The following SOX8 variants were observed in gnomAD, a reference collection of about 807,000 sequenced individuals.
SOX8 encodes the protein SRY-box transcription factor 8.
In SOX8, 9 loss-of-function variants were observed where a neutral mutation model predicts 22.9. The ratio of observed to expected loss-of-function variants is 0.39; its 90% CI spans 0.24 to 0.69. SOX8 has a LOEUF of 0.69. Ranked by LOEUF, SOX8 falls within the 30% of genes least tolerant of loss-of-function variation. SOX8 has a pLI of 0.43. For synonymous variants in SOX8, 416 were observed against 330.6 expected, an observed-to-expected ratio of 1.26 and a Z score of -2.80; for missense variants, 734 against 699.4, an observed-to-expected ratio of 1.05 and a Z score of -0.56.
chr16:984,620 T>C, intron 2 of SOX8, 81 bp from the exon 3 acceptor site: 1 of 852,876 alleles, frequency 1.2e-6, no homozygotes, highest in Non-Finnish European at 1.7e-6. Flanking sequence ...AGCGCGGGCG[T>C]CCCTCCCCTT....
In SOX8 at chr16:982,090, G is replaced by A. The variant is rs2073395912; in HGVS notation, c.168G>A (p.Pro56=). 1 of 1,310,616 alleles carries A rather than the reference G, an allele frequency of 7.6e-7. No individual in the cohort carries two copies. The highest frequency in any genetic ancestry group is 9.6e-7 in the Non-Finnish European group (1 of 1,038,470). 81.2% of individuals were successfully genotyped at this position (1,310,616 alleles called of 1,614,324 possible). Residue 56 remains proline, a synonymous_variant, in exon 1 of 3, where the codon CCG becomes CCA. Transcript: ENST00000293894. The part of the protein sequence containing the change: ...GVAVGGARGD[P]AEAADERFPA... Reference sequence around the variant, plus strand: ...CGGTGGGGGGCGCCCGGGGCGACCCGGCGGAGGCGGCGGACGAGCGCTTCC... The same window carrying A: ...CGGTGGGGGGCGCCCGGGGCGACCCAGCGGAGGCGGCGGACGAGCGCTTCC...
At position 983,712 on chromosome 16, in the gene SOX8, C is replaced by T. The variant is rs374593904; in HGVS notation, c.423-16C>T. 7.5e-6 allele frequency: 12 copies of T among 1,608,832 alleles called. No homozygotes were observed. The African/African-American group carries it at 8.0e-5, about 11-fold the overall frequency. On this transcript the variant is annotated splice_polypyrimidine_tract_variant and intron_variant, in intron 1 of 2. Transcript: ENST00000293894. ...GTGGGCGCCCTGGCCATCCCTGCCTCTGCCCTGTGCTGCAGCTTGCTGAGC... is the reference window on the plus strand; with the variant it reads ...GTGGGCGCCCTGGCCATCCCTGCCTTTGCCCTGTGCTGCAGCTTGCTGAGC...
intron 1 of SOX8, 65 bp from the exon 2 acceptor site, chr16:983,663 G>C: frequency 6.8e-7 from 1 of 1,472,940 alleles, no homozygotes. Context: ...TCCCCCTGTG[G>C]TGTGTGCCTG....
At position 982,270 on chromosome 16, in the gene SOX8, G is replaced by A. The variant is rs1397098109; in HGVS notation, c.348G>A (p.Ala116=). The A allele has an allele frequency of 3.3e-6, 5 of 1,523,852 alleles. No homozygotes were observed. Among genetic ancestry groups the A allele is most frequent in the Admixed American group, 2.0e-5 (1 of 49,146 alleles). 94.4% of individuals were successfully genotyped at this position (1,523,852 alleles called of 1,614,324 possible). A position where few individuals can be genotyped will look rare whatever the true frequency, so the allele number is the denominator to read the frequency against. ...MNAFMVWAQA[A]RRKLADQYPH... ...CATTCATGGTGTGGGCGCAGGCGGC[G>A]CGCCGCAAGCTGGCCGACCAGTACC... is the stretch of plus-strand genomic sequence containing the variant. The change falls in exon 1 of 3, where the codon GCG becomes GCA. Residue 116 remains alanine (A), a synonymous_variant. Coordinates refer to ENST00000293894, the MANE Select transcript of SOX8 (RefSeq NM_014587.5).
rs2073467455 is a variant in SOX8, at chr16:986,938, A to G, written c.*1552A>G. ...CTGACCAAGCAACGCTAACTTTTGT[A>G]CAGATCGATTTGATAAAATTAAACA... is the stretch of plus-strand genomic sequence containing the variant. On this transcript the variant is annotated 3_prime_UTR_variant, in exon 3 of 3. Coordinates refer to ENST00000293894, the MANE Select transcript of SOX8 (RefSeq NM_014587.5). 1 of 152,230 alleles carries G rather than the reference A, an allele frequency of 6.6e-6. No homozygotes were observed. Among genetic ancestry groups the G allele is most frequent in the Non-Finnish European group, 1.5e-5 (1 of 68,048 alleles). 9.4% of individuals were successfully genotyped at this position (152,230 alleles called of 1,614,324 possible).
chr16:985,168 C>T lies in SOX8; in HGVS notation c.1123C>T (p.Pro375Ser), dbSNP rs781433009. The part of the protein sequence containing the change: ...SSATPAAPAG[P>S]FAGSQGDYGD... ...CGCCACCCCGGCCGCCCCCGCCGGCCCCTTCGCCGGCTCACAGGGCGACTA... is the reference window on the plus strand; with the variant it reads ...CGCCACCCCGGCCGCCCCCGCCGGCTCCTTCGCCGGCTCACAGGGCGACTA... The change falls in exon 3 of 3, where the codon CCC (proline) becomes TCC (serine). Residue 375 changes from proline to serine, a missense_variant. By Grantham distance (74) the Pro-to-Ser change is moderately conservative. Transcript: ENST00000293894. The T allele has an allele frequency of 6.2e-7, 1 of 1,609,224 alleles. No individual in the cohort carries two copies. Among genetic ancestry groups the T allele is most frequent in the Non-Finnish European group, 8.5e-7 (1 of 1,178,344 alleles).
In SOX8 at chr16:985,456, A is replaced by G. The variant is rs11866418; in HGVS notation, c.*70A>G. ...TTGTCCCGGCCCAGTGTGTGTGACC[A>G]GGGCGGGAGGGGCCCCAGTGGCTGA... On this transcript the variant is annotated 3_prime_UTR_variant, in exon 3 of 3. Transcript: ENST00000293894. 0.38 allele frequency: 499,093 copies of G among 1,310,642 alleles called. 97,915 individuals carry two copies. The highest frequency in any genetic ancestry group is 0.64 in the African/African-American group (43,050 of 66,994). 81.2% of individuals were successfully genotyped at this position (1,310,642 alleles called of 1,614,324 possible). A position where few individuals can be genotyped will look rare whatever the true frequency, so the allele number is the denominator to read the frequency against.
At position 985,357 on chromosome 16, in the gene SOX8, C is replaced by T. The variant is rs555350940; in HGVS notation, c.1312C>T (p.Pro438Ser). Residue 438 changes from proline (P) to serine (S), a missense_variant, in exon 3 of 3, where the codon CCG (proline) becomes TCG (serine). Physicochemically the swap from Pro to Ser is moderately conservative, Grantham distance 74 (BLOSUM62 -1). Around this residue, in one of 3 missense-constraint regions of SOX8, gnomAD observed 588 missense variants for 568.2 expected, o/e 1.03. Transcript: ENST00000293894. Reference sequence around the variant, plus strand: ...CAGCCCCACCAGTCACTGGGACCAGCCGGTGTACACCACCCTGACCAGGCC... The same window carrying T: ...CAGCCCCACCAGTCACTGGGACCAGTCGGTGTACACCACCCTGACCAGGCC... ...AHSPTSHWDQ[P>S]VYTTLTRP The T allele has an allele frequency of 2.5e-6, 4 of 1,581,222 alleles. No homozygotes were observed. The East Asian group carries it at 9.2e-5, about 36-fold the overall frequency.
chr16:982,536 C>T (rs1268681280), intron 1 of SOX8, 192 bp downstream of exon 1: 1 of 567,182 alleles, frequency 1.8e-6, no homozygotes, highest in Admixed American at 4.4e-5. Flanking sequence ...GGGTCCGGCG[C>T]CAGCTATGGG....
At position 985,395 on chromosome 16, in the gene SOX8, CCG is replaced by C. The variant is rs2073451157; in HGVS notation, c.*12_*13del. 6.6e-7 allele frequency: 1 copy of C among 1,522,110 alleles called. No individual in the cohort carries two copies. Among genetic ancestry groups the C allele is most frequent in the South Asian group, 1.2e-5 (1 of 82,392 alleles). The allele number at this position is 1,522,110 out of a possible 1,614,324, so 94.3% of individuals were successfully genotyped here. A position where few individuals can be genotyped will look rare whatever the true frequency, so the allele number is the denominator to read the frequency against. On this transcript the variant is annotated 3_prime_UTR_variant, in exon 3 of 3. Transcript: ENST00000293894. Reference sequence around the variant, plus strand: ...CCCTGACCAGGCCCTGAGGGCCCAGCCGCGGGGAGGGACTCGCAGGCGTCAGG... The same window carrying C: ...CCCTGACCAGGCCCTGAGGGCCCAGCCGGGGAGGGACTCGCAGGCGTCAGG...
rs757951853 is a variant in SOX8, at chr16:982,327, G to A, written c.405G>A (p.Thr135=). The stretch of plus-strand genomic sequence containing the variant: ...TGCACAACGCCGAGCTCAGCAAGAC[G>A]CTGGGCAAGCTGTGGCGGTGAGTGC... ...PHLHNAELSK[T]LGKLWRLLSE... is the part of the protein sequence containing the mutation. The change falls in exon 1 of 3, where the codon ACG becomes ACA. Residue 135 remains threonine (T), a synonymous_variant. Coordinates refer to ENST00000293894, the MANE Select transcript of SOX8 (RefSeq NM_014587.5). 1.2e-5 allele frequency: 17 copies of A among 1,396,206 alleles called. No homozygotes were observed. Among genetic ancestry groups the A allele is most frequent in the Admixed American group, 2.8e-5 (1 of 35,382 alleles). The allele number at this position is 1,396,206 out of a possible 1,614,324, so 86.5% of individuals were successfully genotyped here.
chr16:984,881 C>T lies in SOX8; in HGVS notation c.836C>T (p.Ala279Val). 6.2e-7 allele frequency: 1 copy of T among 1,611,500 alleles called. No individual in the cohort carries two copies. Among genetic ancestry groups the T allele is most frequent in the Non-Finnish European group, 8.5e-7 (1 of 1,179,130 alleles). ...LSSEVMGTMD[A>V]FDVHEFDQYL... ...AGCGAGGTCATGGGCACCATGGACG[C>T]CTTCGACGTCCACGAGTTCGACCAG... The change falls in exon 3 of 3, where the codon GCC becomes GTC. Residue 279 changes from alanine (A) to valine (V), a missense_variant. Coordinates refer to ENST00000293894, the MANE Select transcript of SOX8 (RefSeq NM_014587.5).
intron 2 of SOX8, 83 bp from the exon 3 acceptor site, chr16:984,618 C>T (rs1169934058): frequency 1.6e-5 from 13 of 826,800 alleles, no homozygotes; most frequent in South Asian, 1.5e-4. Flanking sequence ...TTAGCGCGGG[C>T]GTCCCTCCCC....
At position 985,158 on chromosome 16, in the gene SOX8, C is replaced by T. The variant is rs1407647650; in HGVS notation, c.1113C>T (p.Ala371=). The T allele has an allele frequency of 1.2e-6, 2 of 1,606,404 alleles. No homozygotes were observed. Among genetic ancestry groups the T allele is most frequent in the South Asian group, 1.1e-5 (1 of 90,640 alleles). The change falls in exon 3 of 3, where the codon GCC becomes GCT. Residue 371 remains alanine (A), a synonymous_variant. Coordinates refer to ENST00000293894, the MANE Select transcript of SOX8 (RefSeq NM_014587.5). ...CSGQSSATPA[A]PAGPFAGSQG... is the part of the protein sequence containing the mutation. ...GCCAGTCCAGCGCCACCCCGGCCGC[C>T]CCCGCCGGCCCCTTCGCCGGCTCAC... is the stretch of plus-strand genomic sequence containing the variant.
Position 985,347 on chromosome 16 carries a change from C to A in SOX8, c.1302C>A (p.His434Gln). 6.3e-7 allele frequency: 1 copy of A among 1,587,446 alleles called. No individual in the cohort carries two copies. The highest frequency in any genetic ancestry group is 8.5e-7 in the Non-Finnish European group (1 of 1,172,852). ...CGCCCGCCCACAGCCCCACCAGTCA[C>A]TGGGACCAGCCGGTGTACACCACCC... The part of the protein sequence containing the change: ...ALPPAHSPTS[H>Q]WDQPVYTTLT... The change falls in exon 3 of 3, where the codon CAC becomes CAA. Residue 434 changes from histidine (H) to glutamine (Q), a missense_variant. Physicochemically the swap from His to Gln is conservative, Grantham distance 24. This residue lies in a region of SOX8 where 588 missense variants were observed against 568.2 expected (regional missense o/e 1.03). Transcript: ENST00000293894.
chr16:982,082 G>T lies in SOX8; in HGVS notation c.160G>T (p.Gly54Cys). The part of the protein sequence containing the change: ...RAGVAVGGAR[G>C]DPAEAADERF... ...GGGGGTCGCGGTGGGGGGCGCCCGG[G>T]GCGACCCGGCGGAGGCGGCGGACGA... Residue 54 changes from glycine to cysteine, a missense_variant, in exon 1 of 3, where the codon GGC becomes TGC. This residue lies in a region of SOX8 where 139 missense variants were observed against 109.1 expected (regional missense o/e 1.27). Transcript: ENST00000293894. The T allele has an allele frequency of 7.7e-7, 1 of 1,301,490 alleles. No individual in the cohort carries two copies. Among genetic ancestry groups the T allele is most frequent in the Non-Finnish European group, 9.7e-7 (1 of 1,034,470 alleles). 80.6% of individuals were successfully genotyped at this position (1,301,490 alleles called of 1,614,324 possible).
At chr16:983,141 C>G (rs912916414) in intron 1 of SOX8, 1 of 152,386 alleles carries the variant, frequency 6.6e-6, no homozygotes, top group Non-Finnish European at 1.5e-5. Flanking sequence ...TGCCTTCTGT[C>G]TGGATCTAGG....
Position 982,220 on chromosome 16 carries a change from C to A in SOX8, c.298C>A (p.Pro100Thr). 1 of 1,539,220 alleles carries A rather than the reference C, an allele frequency of 6.5e-7. No individual in the cohort carries two copies. The highest frequency in any genetic ancestry group is 2.5e-5 in the East Asian group (1 of 39,260). ...CGGCGGCGGCGCGCTCAAAGCCAAG[C>A]CGCATGTGAAGCGGCCCATGAACGC... is the stretch of plus-strand genomic sequence containing the variant. ...GGGGGALKAKPHVKRPMNAFM... is the reference protein window; with the variant it reads ...GGGGGALKAKTHVKRPMNAFM... The change falls in exon 1 of 3, where the codon CCG (proline) becomes ACG (threonine). Residue 100 changes from proline to threonine, a missense_variant. Transcript: ENST00000293894.
rs1327053734 is a variant in SOX8 at position 985,709 on chromosome 16, C to T, written c.*323C>T. ...TTGCATCTCGGTAGAGGAGAAACGG[C>T]AGCACAGCCCAAGGACCAAAGGAGG... On this transcript the variant is annotated 3_prime_UTR_variant, in exon 3 of 3. Coordinates refer to ENST00000293894, the MANE Select transcript of SOX8 (RefSeq NM_014587.5). The T allele has an allele frequency of 6.4e-6, 2 of 314,916 alleles. No individual in the cohort carries two copies. Among genetic ancestry groups the T allele is most frequent in the East Asian group, 6.2e-5 (1 of 16,040 alleles). The allele number at this position is 314,916 out of a possible 1,614,324, so 19.5% of individuals were successfully genotyped here.
Sources: allele counts gnomAD v4.1 joint callset, GRCh38; gene constraint gnomAD v4.1.1; regional missense constraint gnomAD v4.1.1; transcripts MANE v1.5; gene names NCBI Gene and HGNC (gene_info 2026-07-23, HGNC 2026-07-21).